ABLIM2: variants seen among roughly 807,000 people sequenced by gnomAD.
The protein encoded by ABLIM2 is actin binding LIM protein family member 2.
Under a neutral mutation model 97.7 loss-of-function variants are expected in ABLIM2, and 53 were observed. The observed-to-expected ratio is 0.54, with a 90% confidence interval of 0.44 to 0.68. ABLIM2 has a LOEUF of 0.68. ABLIM2 is among the 30% of genes least tolerant of loss of function. The probability of loss-of-function intolerance (pLI) is 0.00; values close to 1 mark genes in which losing one functional copy is unlikely to be tolerated. For synonymous variants in ABLIM2, 361 were observed against 345.8 expected, an observed-to-expected ratio of 1.04 and a Z score of -0.49; for missense variants, 835 against 867.2, an observed-to-expected ratio of 0.96 and a Z score of 0.47.
In ABLIM2 at chr4:8,095,337, C is replaced by T. The variant is rs1011170376; in HGVS notation, c.338+1762G>A. On this transcript the variant is annotated intron_variant, in intron 3 of 20. Transcript: ENST00000447017. The surrounding 1 kb of genome is among the most constrained non-coding windows in gnomAD (Gnocchi z 4.7). ...CAGGCTGATCTTGAACTCCCAGCCT[C>T]AAGTGATCCTCGCACCTCGGCCTCC... Among the ~76,000 whole-genome samples, 1 of 152,178 alleles carries T rather than the reference C, an allele frequency of 6.6e-6. No homozygotes were observed. Among genetic ancestry groups the T allele is most frequent in the Non-Finnish European group, 1.5e-5 (1 of 68,026 alleles).
intron 1 of ABLIM2, among the ~76,000 whole-genome samples, chr4:8,153,403 A>G (rs533448771): frequency 6.6e-6 from 1 of 152,350 alleles, no homozygotes; most frequent in South Asian, 2.1e-4. Context: ...TTAGGAAGGA[A>G]CCCTGCACAT....
chr4:8,032,921 T>C lies in ABLIM2; in HGVS notation c.1048-3145A>G, dbSNP rs1430010003. Among the ~76,000 whole-genome samples, 1 of 152,168 alleles carries C rather than the reference T, an allele frequency of 6.6e-6. No homozygotes were observed. The highest frequency in any genetic ancestry group is 1.5e-5 in the Non-Finnish European group (1 of 68,030). ...CCCGGGGAAACTGATTTCGTGCCAATGAGCCCAGAGCTTGTCTCTACCTGG... is the reference window on the plus strand; with the variant it reads ...CCCGGGGAAACTGATTTCGTGCCAACGAGCCCAGAGCTTGTCTCTACCTGG... On this transcript the variant is annotated intron_variant, in intron 10 of 20. Coordinates refer to ENST00000447017, the MANE Select transcript of ABLIM2 (RefSeq NM_001130083.2). This position sits in a 1 kb window ranked among gnomAD's most constrained non-coding sequence, Gnocchi z 4.3.
chr4:8,133,532 C>T (rs1202379137), intron 1 of ABLIM2, among the ~76,000 whole-genome samples: 1 of 152,196 alleles, frequency 6.6e-6, no homozygotes, highest in Non-Finnish European at 1.5e-5. Flanking sequence ...GTCTCCAGCA[C>T]ACAGTGTCCT....
At chr4:8,131,816 CCG>C (rs1849457415) in intron 1 of ABLIM2, among the ~76,000 whole-genome samples, 1 of 138,104 alleles carries the variant, frequency 7.2e-6, no homozygotes, top group African/African-American at 2.9e-5. Context: ...GCACAGCAGC[CCG>C]CATCCCCAGC....
At position 7,986,144 on chromosome 4, in the gene ABLIM2, G is replaced by A. The variant is rs1743835982; in HGVS notation, c.1681-1251C>T. Among the ~76,000 whole-genome samples the A allele has an allele frequency of 6.6e-6, 1 of 152,234 alleles. No individual in the cohort carries two copies. Among genetic ancestry groups the A allele is most frequent in the Admixed American group, 6.5e-5 (1 of 15,288 alleles). ...TCTCGGCCAGTGCTGCTGAAACTGG[G>A]TACAGGGATCACATTTCAGCAGGGA... On this transcript the variant is annotated intron_variant, in intron 17 of 20. Transcript: ENST00000447017. The surrounding 1 kb of genome is among the most constrained non-coding windows in gnomAD (Gnocchi z 4.3).
At position 8,069,676 on chromosome 4, in the gene ABLIM2, C is replaced by G. The variant is rs1368335011; in HGVS notation, c.675+7952G>C. Among the ~76,000 whole-genome samples, 2 of 151,716 alleles carry G rather than the reference C, an allele frequency of 1.3e-5. No homozygotes were observed. The highest frequency in any genetic ancestry group is 3.9e-4 in the East Asian group (2 of 5,170). On this transcript the variant is annotated intron_variant, in intron 6 of 20. Transcript: ENST00000447017. This position sits in a 1 kb window ranked among gnomAD's most constrained non-coding sequence, Gnocchi z 4.2. The stretch of plus-strand genomic sequence containing the variant: ...GTTGTCTGTGTGCATTTCTGTGTGT[C>G]TCTGTGTGTGTTTGTGTGTTGTCTG...
intron 1 of ABLIM2, 50 bp from the exon 2 acceptor site, chr4:8,106,687 C>G: frequency 1.3e-6 from 2 of 1,549,708 alleles, no homozygotes; most frequent in Non-Finnish European, 1.7e-6. Context: ...GTGTGAGGCA[C>G]AAAGGTGAGC....
Position 8,149,889 on chromosome 4 carries a change from G to C in ABLIM2, c.10+8791C>G, listed in dbSNP as rs907012068. The stretch of plus-strand genomic sequence containing the variant: ...GCCGGTCCCTCTGTGGGACGATTCA[G>C]AGGCTCCCAGTGGGACTGAGTCCCC... On this transcript the variant is annotated intron_variant, in intron 1 of 20. Transcript: ENST00000447017. The surrounding 1 kb of genome is among the most constrained non-coding windows in gnomAD (Gnocchi z 6.4). Among the ~76,000 whole-genome samples, 2 of 152,112 alleles carry C rather than the reference G, an allele frequency of 1.3e-5. No homozygotes were observed. Among genetic ancestry groups the C allele is most frequent in the Non-Finnish European group, 2.9e-5 (2 of 68,014 alleles).
chr4:8,009,207 A>G (rs1763285308), intron 14 of ABLIM2, 105 bp from the exon 15 acceptor site: 1 of 1,406,188 alleles, frequency 7.1e-7, no homozygotes, highest in African/African-American at 1.4e-5. Flanking sequence ...AAAATCAATC[A>G]AAGAGAAGGT....
chr4:8,013,465 C>T (rs910571985), intron 14 of ABLIM2, among the ~76,000 whole-genome samples: 17 of 152,264 alleles, frequency 1.1e-4, no homozygotes, highest in South Asian at 8.3e-4. Context: ...CTCAAATGAT[C>T]CACCTGCCTC....
In ABLIM2 at chr4:8,021,201, A is replaced by C. The variant is rs533630237; in HGVS notation, c.1268-898T>G. 3.3e-5 allele frequency among the ~76,000 whole-genome samples: 5 copies of C among 152,150 alleles called. No homozygotes were observed. In the South Asian group the frequency reaches 1.0e-3, roughly 32 times the overall value. ...CTTTTTGGCAAATTAAATGGAAAGC[A>C]TCCTCTGACCCTGCTTCAATTGCTG... is the stretch of plus-strand genomic sequence containing the variant. On this transcript the variant is annotated intron_variant, in intron 12 of 20. Transcript: ENST00000447017. This position sits in a 1 kb window ranked among gnomAD's most constrained non-coding sequence, Gnocchi z 5.5.
At chr4:7,995,631 C>T (rs570517572) in intron 16 of ABLIM2, among the ~76,000 whole-genome samples, 4 of 152,304 alleles carry the variant, frequency 2.6e-5, no homozygotes, top group South Asian at 2.1e-4. Flanking sequence ...GTTTGCAACA[C>T]GGTAGCCAGT....
intron 3 of ABLIM2, 51 bp downstream of exon 3, chr4:8,097,048 A>G: frequency 6.5e-7 from 1 of 1,542,186 alleles, no homozygotes; most frequent in Admixed American, 2.0e-5. Context: ...AGGGAAGGAG[A>G]AAAGGCCCAG....
chr4:8,092,147 G>C (rs1056408876), intron 3 of ABLIM2, among the ~76,000 whole-genome samples: 1 of 150,968 alleles, frequency 6.6e-6, no homozygotes, highest in East Asian at 1.9e-4. Context: ...ACAGGTGCCT[G>C]CCACTACACC....
chr4:8,094,434 C>G (rs1830369806), intron 3 of ABLIM2, among the ~76,000 whole-genome samples: 2 of 152,162 alleles, frequency 1.3e-5, no homozygotes, highest in Non-Finnish European at 2.9e-5. Context: ...ATTCCTGTCC[C>G]TTTTAAGGGC....
At chr4:8,105,933 C>T (rs1053005588) in intron 2 of ABLIM2, among the ~76,000 whole-genome samples, 2 of 150,354 alleles carry the variant, frequency 1.3e-5, no homozygotes, top group South Asian at 2.1e-4. Flanking sequence ...TGGGGCCTCA[C>T]GTGATTTTTT....
chr4:7,983,719 T>C (rs1307637315), intron 18 of ABLIM2, among the ~76,000 whole-genome samples, 165 bp from the exon 19 acceptor site: 1 of 152,142 alleles, frequency 6.6e-6, no homozygotes, highest in African/African-American at 2.4e-5. Context: ...ATCTCAGAGC[T>C]GCAGGCAGAG....
rs1850848116 is a variant in ABLIM2, at chr4:8,140,716, C to G, written c.10+17964G>C. ...AGGGGAGCTGGGGCCTCCTGAAGGT[C>G]CCACGGAGGCCAGCAGAGAGTAGCA... On this transcript the variant is annotated intron_variant, in intron 1 of 20. Transcript: ENST00000447017. This position sits in a 1 kb window ranked among gnomAD's most constrained non-coding sequence, Gnocchi z 5.9. Among the ~76,000 whole-genome samples the G allele has an allele frequency of 6.6e-6, 1 of 152,000 alleles. No homozygotes were observed. Among genetic ancestry groups the G allele is most frequent in the South Asian group, 2.1e-4 (1 of 4,790 alleles).
At chr4:8,134,930 G>A (rs946501151) in intron 1 of ABLIM2, among the ~76,000 whole-genome samples, 9 of 152,254 alleles carry the variant, frequency 5.9e-5, no homozygotes, top group African/African-American at 1.9e-4. Context: ...GTGCACACAA[G>A]GTGTGCTAAA....
Sources: gnomAD v4.1 joint callset for allele counts (sites outside exome capture counted in the v4.1 genomes callset) on GRCh38, gnomAD v4.1.1 for gene constraint, Gnocchi (gnomAD v3.1) non-coding constraint, MANE v1.5 for transcripts, NCBI Gene and HGNC (gene_info 2026-07-23, HGNC 2026-07-21) for gene names.